The following PPP6C variants were observed in gnomAD, a reference collection of about 807,000 sequenced individuals.
The protein encoded by PPP6C is serine/threonine-protein phosphatase 6 catalytic subunit.
Under a neutral mutation model 39.8 loss-of-function variants are expected in PPP6C, and 11 were observed. The observed-to-expected ratio is 0.28, with a 90% CI of 0.17 to 0.46. The LOEUF (loss-of-function observed/expected upper bound fraction) is 0.46. Among genes scored for constraint, PPP6C ranks in the 20% least tolerant of loss-of-function variants. The pLI is 1.00. For synonymous variants in PPP6C, 129 were observed against 130.3 expected, an observed-to-expected ratio of 0.99 and a Z score of 0.07; for missense variants, 211 against 373.9, an observed-to-expected ratio of 0.56 and a Z score of 3.59.
In PPP6C at chr9:125,149,780, T is replaced by G. The variant is rs1280811957; in HGVS notation, c.811A>C (p.Ile271Leu). The change falls in exon 7 of 7, where the codon ATC becomes CTC. Residue 271 changes from isoleucine (I) to leucine (L), a missense_variant. Around this residue, in one of 2 missense-constraint regions of PPP6C, gnomAD observed 168 missense variants for 342.6 expected, o/e 0.49. Transcript: ENST00000373547. ...GTATTTACATCTTTGAAGACCATGATCGAAGCAATATTTCCACAACGATAG... is the reference window on the plus strand; with the variant it reads ...GTATTTACATCTTTGAAGACCATGAGCGAAGCAATATTTCCACAACGATAG... ...YCYRCGNIAS[I>L]MVFKDVNTRE... 1.2e-6 allele frequency: 2 copies of G among 1,614,148 alleles called. No individual in the cohort carries two copies. Among genetic ancestry groups the G allele is most frequent in the Non-Finnish European group, 1.7e-6 (2 of 1,180,024 alleles).
chr9:125,185,702 AAACT>A (rs965287815), intron 1 of PPP6C, among the ~76,000 whole-genome samples: 3 of 150,414 alleles, frequency 2.0e-5, no homozygotes, highest in Middle Eastern at 3.4e-3. Flanking sequence ...TCAAAAAAAC[AAACT>A]AACAGGCCAG....
At chr9:125,184,204 A>G (rs772526928) in intron 1 of PPP6C, among the ~76,000 whole-genome samples, 5 of 152,076 alleles carry the variant, frequency 3.3e-5, no homozygotes, top group Non-Finnish European at 5.9e-5. Flanking sequence ...TGGCAAACAC[A>G]GTGAAACCCC....
intron 6 of PPP6C, chr9:125,150,939 G>C: frequency 8.8e-7 from 1 of 1,131,760 alleles, no homozygotes; most frequent in Non-Finnish European, 1.3e-6. Context: ...TGCCCAGCAG[G>C]ATAATAAAGA....
At chr9:125,176,514 G>A (rs1042959054) in intron 1 of PPP6C, among the ~76,000 whole-genome samples, 1 of 152,126 alleles carries the variant, frequency 6.6e-6, no homozygotes, top group Non-Finnish European at 1.5e-5. Flanking sequence ...AAAACTAGCT[G>A]GGCGTGGTGG....
chr9:125,161,625 G>A (rs536394958), intron 2 of PPP6C, among the ~76,000 whole-genome samples: 1 of 152,152 alleles, frequency 6.6e-6, no homozygotes, highest in East Asian at 1.9e-4. Context: ...TATAGAGACA[G>A]GGTCTCGCTT....
chr9:125,178,308 CA>C (rs1397843120), intron 1 of PPP6C, among the ~76,000 whole-genome samples: 1 of 152,182 alleles, frequency 6.6e-6, no homozygotes, highest in East Asian at 1.9e-4. Flanking sequence ...TCTTCATCAG[CA>C]TTTGGTACTG....
At chr9:125,152,260 C>A (rs1835966543) in intron 6 of PPP6C, among the ~76,000 whole-genome samples, 1 of 152,160 alleles carries the variant, frequency 6.6e-6, no homozygotes, top group African/African-American at 2.4e-5. Flanking sequence ...CTTCATCCAT[C>A]TTGATCCTTT....
At chr9:125,173,333 G>A (rs1377715276) in intron 1 of PPP6C, among the ~76,000 whole-genome samples, 2 of 150,216 alleles carry the variant, frequency 1.3e-5, no homozygotes, top group African/African-American at 4.9e-5. Context: ...TTGAATCTGG[G>A]AGGCAAAGGT....
intron 4 of PPP6C, among the ~76,000 whole-genome samples, chr9:125,156,233 T>C (rs777966770): frequency 2.6e-5 from 4 of 152,326 alleles, no homozygotes; most frequent in Non-Finnish European, 2.9e-5. Context: ...ATTTCTCTAA[T>C]TGATAATGGC....
chr9:125,174,973 C>T (rs1451351535), intron 1 of PPP6C, among the ~76,000 whole-genome samples: 8 of 150,512 alleles, frequency 5.3e-5, no homozygotes, highest in East Asian at 2.0e-4. Flanking sequence ...TTTGGGAGGC[C>T]GAGGCAGGTG....
At chr9:125,159,946 C>G (rs1828820188) in intron 3 of PPP6C, among the ~76,000 whole-genome samples, 1 of 151,920 alleles carries the variant, frequency 6.6e-6, no homozygotes, top group Non-Finnish European at 1.5e-5. Flanking sequence ...CACTTGAACC[C>G]AAGAGGCAGA....
chr9:125,160,013 C>A (rs934114538), intron 3 of PPP6C, among the ~76,000 whole-genome samples: 1 of 149,694 alleles, frequency 6.7e-6, no homozygotes, highest in Non-Finnish European at 1.5e-5. Context: ...AGAGAGACTC[C>A]GTCTCAAAAA....
At position 125,153,997 on chromosome 9, in the gene PPP6C, A is replaced by C. The variant is rs746610476; in HGVS notation, c.380-12T>G. ...GGTTTGGCACTCATCTGTGAAAGAA[A>C]CAGAAGGGTTTTAATTAATGAATCT... is the stretch of plus-strand genomic sequence containing the variant. On this transcript the variant is annotated splice_polypyrimidine_tract_variant and intron_variant, in intron 4 of 6. Coordinates refer to ENST00000373547, the MANE Select transcript of PPP6C (RefSeq NM_002721.5). 152 of 1,576,180 alleles carry C rather than the reference A, an allele frequency of 9.6e-5. No individual in the cohort carries two copies. The East Asian group carries it at 3.4e-3, about 35-fold the overall frequency.
chr9:125,151,567 C>G, intron 6 of PPP6C: 2 of 803,724 alleles, frequency 2.5e-6, no homozygotes, highest in South Asian at 2.7e-5. Flanking sequence ...CCGTTTCTTA[C>G]CTATTCAGTC....
At chr9:125,159,961 G>T (rs868860336) in intron 3 of PPP6C, among the ~76,000 whole-genome samples, 2 of 152,032 alleles carry the variant, frequency 1.3e-5, no homozygotes, top group Admixed American at 1.3e-4. Context: ...GGCAGAGGTT[G>T]CAGTAAGCCA....
chr9:125,189,747 G>GGCGGCGGCGGCTGTAGCA lies in PPP6C; in HGVS notation c.-47_-30dup, dbSNP rs759196602. 9.5e-5 allele frequency: 137 copies of GGCGGCGGCGGCTGTAGCA among 1,437,402 alleles called. No homozygotes were observed. The highest frequency in any genetic ancestry group is 4.4e-4 in the Admixed American group (19 of 43,116). 89.0% of individuals were successfully genotyped at this position (1,437,402 alleles called of 1,614,324 possible). A position where few individuals can be genotyped will look rare whatever the true frequency, so the allele number is the denominator to read the frequency against. On this transcript the variant is annotated 5_prime_UTR_variant, in exon 1 of 7. Transcript: ENST00000373547. ...AAGAATAACAAGCCGCGGCAACAGC[G>GGCGGCGGCGGCTGTAGCA]GCGGCGGCGGCTGTAGCAGCGGCGG... is the stretch of plus-strand genomic sequence containing the variant.
chr9:125,162,733 G>A (rs1032859564), intron 2 of PPP6C, among the ~76,000 whole-genome samples: 7 of 147,646 alleles, frequency 4.7e-5, no homozygotes, highest in African/African-American at 1.3e-4. Flanking sequence ...CCAAGATCAC[G>A]CCACTGCACT....
intron 1 of PPP6C, among the ~76,000 whole-genome samples, chr9:125,185,709 C>T (rs756960870): frequency 6.7e-6 from 1 of 149,042 alleles, no homozygotes; most frequent in Non-Finnish European, 1.5e-5. Context: ...AACAAACTAA[C>T]AGGCCAGGCT....
chr9:125,171,678 C>T (rs1241616204), intron 1 of PPP6C, among the ~76,000 whole-genome samples: 1 of 151,382 alleles, frequency 6.6e-6, no homozygotes, highest in Non-Finnish European at 1.5e-5. Flanking sequence ...CTCAGCCTCC[C>T]AAGTAGCTGG....
Sources: allele counts gnomAD v4.1 joint callset (sites outside exome capture counted in the v4.1 genomes callset), GRCh38; gene constraint gnomAD v4.1.1; regional missense constraint gnomAD v4.1.1; transcripts MANE v1.5; gene names NCBI Gene and HGNC (gene_info 2026-07-23, HGNC 2026-07-21).